GABRR2: variants seen among roughly 807,000 people sequenced by gnomAD.
GABRR2 encodes gamma-aminobutyric acid receptor subunit rho-2.
A neutral mutation model predicts 47.0 loss-of-function variants in GABRR2; 36 were observed. The ratio of observed to expected loss-of-function variants is 0.77; its 90% CI spans 0.59 to 1.01. The LOEUF (loss-of-function observed/expected upper bound fraction) is 1.01. Ranked by LOEUF, GABRR2 falls within the 50% of genes least tolerant of loss-of-function variation. The pLI is 0.00. For synonymous variants in GABRR2, 204 were observed against 227.5 expected, an observed-to-expected ratio of 0.90 and a Z score of 0.93; for missense variants, 587 against 594.6, an observed-to-expected ratio of 0.99 and a Z score of 0.13.
At chr6:89,313,573 T>TTTCCCATCGTTCTG (rs113931189) in intron 1 of GABRR2, among the ~76,000 whole-genome samples, 25,269 of 151,972 alleles carry the variant, frequency 0.17, 4,200 homozygotes, top group African/African-American at 0.43. Flanking sequence ...GCAGGGCCTC[T>TTTCCCATCGTTCTG]GAGGGTTTTG....
chr6:89,311,381 C>A (rs914506232), intron 1 of GABRR2, among the ~76,000 whole-genome samples: 7 of 152,182 alleles, frequency 4.6e-5, no homozygotes, highest in African/African-American at 1.7e-4. Context: ...AATCCCACTG[C>A]CATTGAGGGC....
chr6:89,258,040 G>A, intron 8 of GABRR2, 59 bp from the exon 9 acceptor site: 1 of 1,502,714 alleles, frequency 6.7e-7, no homozygotes, highest in Non-Finnish European at 9.0e-7. Context: ...AGAGGAGGGG[G>A]CCTGGCCCAA....
intron 1 of GABRR2, chr6:89,301,653 T>C (rs941948108): frequency 2.1e-6 from 1 of 468,286 alleles, no homozygotes; most frequent in Non-Finnish European, 3.9e-6. Flanking sequence ...TGCCTAGGAA[T>C]ACAGCTAACC....
At chr6:89,267,081 C>A (rs1451054833) in intron 6 of GABRR2, among the ~76,000 whole-genome samples, 2 of 149,828 alleles carry the variant, frequency 1.3e-5, no homozygotes, top group Non-Finnish European at 3.0e-5. Flanking sequence ...CTCACTGCAA[C>A]CTTTGCCTCC....
intron 1 of GABRR2, chr6:89,302,292 C>G: frequency 3.5e-6 from 2 of 563,670 alleles, no homozygotes; most frequent in South Asian, 2.8e-5. Context: ...GTAGTGCCCT[C>G]GCCCAAGGTG....
chr6:89,255,498 T>C lies in GABRR2; in HGVS notation c.*2172A>G, dbSNP rs1343216186. On this transcript the variant is annotated 3_prime_UTR_variant, in exon 9 of 9. Transcript: ENST00000402938. ...GCCCTGTACCACCCAATTACCCATATTTATGCATTTTTGTTCTTCATTGGT... is the reference window on the plus strand; with the variant it reads ...GCCCTGTACCACCCAATTACCCATACTTATGCATTTTTGTTCTTCATTGGT... 1.3e-5 allele frequency among the ~76,000 whole-genome samples: 2 copies of C among 152,118 alleles called. No homozygotes were observed. The highest frequency in any genetic ancestry group is 2.4e-5 in the African/African-American group (1 of 41,438).
chr6:89,271,709 C>T lies in GABRR2; in HGVS notation c.234G>A (p.Pro78=), dbSNP rs144730602. The part of the protein sequence containing the change: ...MRPAFGGPAI[P]VGVDVQVESL... ...TCTCCACCTGTACGTCCACGCCCAC[C>T]GGGATGGCAGGGCCTGCAGAAGAGC... Residue 78 remains proline (P), a synonymous_variant, in exon 3 of 9, where the codon CCG becomes CCA. Coordinates refer to ENST00000402938, the MANE Select transcript of GABRR2 (RefSeq NM_002043.5). 1.2e-5 allele frequency: 19 copies of T among 1,612,220 alleles called. No homozygotes were observed. In the African/African-American group the frequency reaches 1.2e-4, roughly 10 times the overall value.
intron 1 of GABRR2, chr6:89,301,682 T>TA (rs950425952): frequency 1.7e-6 from 1 of 574,482 alleles, no homozygotes; most frequent in Non-Finnish European, 3.2e-6. Context: ...GAAAGATCTC[T>TA]ACAATGAGAA....
At position 89,306,074 on chromosome 6, in the gene GABRR2, AT is replaced by A. The variant is rs11427317; in HGVS notation, c.114-6210del. ...TTGTGTTGAGTACTGGAAGATCATG[AT>A]TTTTTTTTTTTAATTTCTTGGCCGA... On this transcript the variant is annotated intron_variant, in intron 1 of 8. Coordinates refer to ENST00000402938, the MANE Select transcript of GABRR2 (RefSeq NM_002043.5). 1.6e-3 allele frequency among the ~76,000 whole-genome samples: 239 copies of A among 148,512 alleles called. 1 individual carries two copies. The highest frequency in any genetic ancestry group is 4.2e-3 in the African/African-American group (170 of 40,586).
At chr6:89,262,681 C>T (rs1391958333) in intron 8 of GABRR2, among the ~76,000 whole-genome samples, 1 of 152,126 alleles carries the variant, frequency 6.6e-6, no homozygotes, top group Non-Finnish European at 1.5e-5. Flanking sequence ...GTCCCATTGA[C>T]CAAAATGTCG....
chr6:89,265,184 C>G (rs986433049), intron 7 of GABRR2, among the ~76,000 whole-genome samples: 2 of 152,086 alleles, frequency 1.3e-5, no homozygotes, highest in Non-Finnish European at 2.9e-5. Flanking sequence ...AAACACAGCT[C>G]GAGGGAACGT....
Position 89,257,060 on chromosome 6 carries a change from C to T in GABRR2, c.*610G>A, listed in dbSNP as rs113424515. ...GACTATTTTCTCATTTCTACCGTAC[C>T]TGGCACAGAGTGGGACCTCAATATT... On this transcript the variant is annotated 3_prime_UTR_variant, in exon 9 of 9. Coordinates refer to ENST00000402938, the MANE Select transcript of GABRR2 (RefSeq NM_002043.5). The T allele has an allele frequency of 0.019, 2,902 of 152,690 alleles. 43 individuals carry two copies. The highest frequency in any genetic ancestry group is 0.031 in the Middle Eastern group (9 of 294). The allele number at this position is 152,690 out of a possible 1,614,324, so 9.5% of individuals were successfully genotyped here. A position where few individuals can be genotyped will look rare whatever the true frequency, so the allele number is the denominator to read the frequency against.
intron 1 of GABRR2, among the ~76,000 whole-genome samples, chr6:89,303,416 TAA>T (rs34549236): frequency 1.8e-4 from 26 of 147,296 alleles, no homozygotes; most frequent in African/African-American, 2.5e-4. Flanking sequence ...TGCTGTCAGA[TAA>T]AAAAAAAAAG....
chr6:89,294,891 T>C (rs184210306), intron 2 of GABRR2, among the ~76,000 whole-genome samples: 123 of 149,442 alleles, frequency 8.2e-4, no homozygotes, highest in African/African-American at 2.9e-3. Flanking sequence ...ACATGTGGTG[T>C]TTGGTTTTTT....
At position 89,265,905 on chromosome 6, in the gene GABRR2, T is replaced by A. The variant is rs1468952398; in HGVS notation, c.737-140A>T. 4.0e-6 allele frequency: 3 copies of A among 747,158 alleles called. No homozygotes were observed. In the East Asian group the frequency reaches 8.1e-5, roughly 20 times the overall value. The allele number at this position is 747,158 out of a possible 1,614,324, so 46.3% of individuals were successfully genotyped here. ...TTAATGACCAGTTGGCTTAATATAA[T>A]ACCTTTCTTTTCCAAAATCTAAGCC... On this transcript the variant is annotated intron_variant, in intron 6 of 8. Transcript: ENST00000402938.
chr6:89,259,686 T>G (rs936565166), intron 8 of GABRR2, among the ~76,000 whole-genome samples: 6 of 151,910 alleles, frequency 3.9e-5, no homozygotes, highest in African/African-American at 1.5e-4. Context: ...GTATTTTTAG[T>G]AGAGACAGGG....
chr6:89,302,100 C>T (rs1767452499), intron 1 of GABRR2: 4 of 619,594 alleles, frequency 6.5e-6, no homozygotes, highest in Non-Finnish European at 1.2e-5. Context: ...GGTCACTACA[C>T]GGAGGGTGCG....
chr6:89,278,850 C>T (rs1161339601), intron 2 of GABRR2, among the ~76,000 whole-genome samples: 2 of 152,202 alleles, frequency 1.3e-5, no homozygotes, highest in Non-Finnish European at 2.9e-5. Context: ...GCACAAAGTT[C>T]CACTGAGGTG....
In GABRR2 at chr6:89,264,464, A is replaced by C; in HGVS notation, c.1034T>G (p.Val345Gly). 6.2e-7 allele frequency: 1 copy of C among 1,613,816 alleles called. No homozygotes were observed. The highest frequency in any genetic ancestry group is 1.3e-5 in the African/African-American group (1 of 74,942). ...VFLSVLEYAA[V>G]NYLTTVQERK... ...CTCCTGCACGGTGGTCAGGTAGTTG[A>C]CAGCCGCATACTCCAGCACCGAGAG... Residue 345 changes from valine to glycine, a missense_variant, in exon 8 of 9, where the codon GTC becomes GGC. Coordinates refer to ENST00000402938, the MANE Select transcript of GABRR2 (RefSeq NM_002043.5).
Sources: allele counts gnomAD v4.1 joint callset (sites outside exome capture counted in the v4.1 genomes callset), GRCh38; gene constraint gnomAD v4.1.1; transcripts MANE v1.5; gene names NCBI Gene and HGNC (gene_info 2026-07-23, HGNC 2026-07-21).